Variants in FREM2 observed in about 807,000 individuals in gnomAD.
The protein encoded by FREM2 is FRAS1 related extracellular matrix 2, also known as FRAS1-related extracellular matrix protein 2.
Under a neutral mutation model 219.9 loss-of-function variants are expected in FREM2, and 119 were observed. The observed-to-expected ratio is 0.54, with a 90% CI of 0.47 to 0.63. FREM2 has a LOEUF of 0.63. FREM2 is among the 30% of genes least tolerant of loss of function. FREM2 has a pLI of 0.00. For missense variants in FREM2, 4,030 were observed against 3,993.6 expected, an observed-to-expected ratio of 1.01 and a Z score of -0.25; for synonymous variants, 1,562 against 1,522.8, an observed-to-expected ratio of 1.03 and a Z score of -0.60.
In FREM2 at chr13:38,690,720, A is replaced by G. The variant is rs758099421; in HGVS notation, c.3376A>G (p.Lys1126Glu). The G allele has an allele frequency of 1.9e-6, 3 of 1,614,126 alleles. No homozygotes were observed. Among genetic ancestry groups the G allele is most frequent in the Non-Finnish European group, 2.5e-6 (3 of 1,180,030 alleles). Residue 1126 changes from lysine (K) to glutamate (E), a missense_variant, in exon 1 of 24, where the codon AAA becomes GAA. By Grantham distance (56) the Lys-to-Glu change is moderately conservative (BLOSUM62 1). Coordinates refer to ENST00000280481, the MANE Select transcript of FREM2 (RefSeq NM_207361.6). Reference sequence around the variant, plus strand: ...CATTTCTCCAGCACCAGGCTCTGAGAAATCAAGAGCAGGGATTGCCATAAG... The same window carrying G: ...CATTTCTCCAGCACCAGGCTCTGAGGAATCAAGAGCAGGGATTGCCATAAG... ...ENISPAPGSE[K>E]SRAGIAISAF...
chr13:38,755,786 A>T (rs1055610132), intron 2 of FREM2, among the ~76,000 whole-genome samples: 2 of 152,198 alleles, frequency 1.3e-5, no homozygotes, highest in African/African-American at 4.8e-5. Flanking sequence ...TCCTAGAATG[A>T]ATTATCCTAA....
chr13:38,727,409 G>A (rs981662768), intron 2 of FREM2, among the ~76,000 whole-genome samples: 7 of 152,178 alleles, frequency 4.6e-5, no homozygotes, highest in Non-Finnish European at 1.0e-4. Flanking sequence ...AACATGGGAG[G>A]TGGAGTTTGC....
At chr13:38,735,642 G>T (rs752164237) in intron 2 of FREM2, among the ~76,000 whole-genome samples, 1 of 152,088 alleles carries the variant, frequency 6.6e-6, no homozygotes, top group African/African-American at 2.4e-5. Flanking sequence ...AATGGTTTTT[G>T]CTGAAAAGCT....
chr13:38,705,678 T>C (rs1368306455), intron 2 of FREM2, among the ~76,000 whole-genome samples: 1 of 152,186 alleles, frequency 6.6e-6, no homozygotes, highest in African/African-American at 2.4e-5. Flanking sequence ...AGATAATTCA[T>C]GAAAATAAGA....
At chr13:38,702,151 T>A (rs751027707) in intron 2 of FREM2, among the ~76,000 whole-genome samples, 1 of 152,150 alleles carries the variant, frequency 6.6e-6, no homozygotes, top group Non-Finnish European at 1.5e-5. Flanking sequence ...AGGAAAGTTT[T>A]TTAGTGAAGC....
intron 2 of FREM2, among the ~76,000 whole-genome samples, chr13:38,757,245 A>G (rs1389979344): frequency 6.6e-6 from 1 of 152,206 alleles, no homozygotes; most frequent in Non-Finnish European, 1.5e-5. Flanking sequence ...CATGTCCTCA[A>G]GGAACAAAAT....
intron 4 of FREM2, among the ~76,000 whole-genome samples, chr13:38,780,520 C>G (rs938009277): frequency 4.6e-5 from 7 of 152,208 alleles, no homozygotes; most frequent in Non-Finnish European, 1.0e-4. Context: ...CTTTATCTTA[C>G]AGCAGTCACA....
intron 6 of FREM2, among the ~76,000 whole-genome samples, chr13:38,790,051 G>T (rs933610747): frequency 6.6e-6 from 1 of 152,096 alleles, no homozygotes; most frequent in South Asian, 2.1e-4. Context: ...ATTTGCTAGG[G>T]TCGATTTCTA....
At position 38,689,500 on chromosome 13, in the gene FREM2, C is replaced by T; in HGVS notation, c.2156C>T (p.Thr719Ile). The T allele has an allele frequency of 1.2e-6, 2 of 1,614,108 alleles. No individual in the cohort carries two copies. Among genetic ancestry groups the T allele is most frequent in the South Asian group, 1.1e-5 (1 of 91,080 alleles). ...ATGGTGGTACAGGAATCCCAGCTCA[C>T]ACCACTGAGGAAGAAGTGGCTGCGC... ...LRMVVQESQL[T>I]PLRKKWLRYT... The change falls in exon 1 of 24, where the codon ACA (threonine) becomes ATA (isoleucine). Residue 719 changes from threonine (T) to isoleucine (I), a missense_variant. Transcript: ENST00000280481.
chr13:38,694,181 T>C (rs894759313), intron 1 of FREM2, among the ~76,000 whole-genome samples: 1 of 152,232 alleles, frequency 6.6e-6, no homozygotes, highest in South Asian at 2.1e-4. Context: ...CTCTAAAAAT[T>C]ATGCTATTTC....
chr13:38,864,130 G>A, intron 15 of FREM2, 145 bp from the exon 16 acceptor site: 1 of 690,860 alleles, frequency 1.4e-6, no homozygotes, highest in South Asian at 1.7e-5. Flanking sequence ...CACCGGGCCT[G>A]GACACCACTT....
chr13:38,778,107 A>G (rs1566138726), intron 4 of FREM2, among the ~76,000 whole-genome samples: 1 of 152,270 alleles, frequency 6.6e-6, no homozygotes, highest in African/African-American at 2.4e-5. Flanking sequence ...AATCCCATAC[A>G]TGGACCACTT....
At chr13:38,801,890 A>G (rs929063143) in intron 6 of FREM2, among the ~76,000 whole-genome samples, 5 of 152,196 alleles carry the variant, frequency 3.3e-5, no homozygotes, top group African/African-American at 4.8e-5. Context: ...TTTCTGGACC[A>G]TGGATATAAT....
chr13:38,804,986 G>A (rs561478208), intron 6 of FREM2, among the ~76,000 whole-genome samples: 1 of 152,172 alleles, frequency 6.6e-6, no homozygotes, highest in South Asian at 2.1e-4. Flanking sequence ...CTCATTTGAA[G>A]CATGAGCATA....
intron 23 of FREM2, among the ~76,000 whole-genome samples, chr13:38,879,664 G>A (rs1479070834): frequency 6.6e-6 from 1 of 152,162 alleles, no homozygotes; most frequent in South Asian, 2.1e-4. Context: ...TCTTAAGAAA[G>A]CATGTTTGTT....
At position 38,752,012 on chromosome 13, in the gene FREM2, G is replaced by A. The variant is rs145616840; in HGVS notation, c.5264-12292G>A. Among the ~76,000 whole-genome samples, 315 of 152,278 alleles carry A rather than the reference G, an allele frequency of 2.1e-3. 1 individual carries two copies. The highest frequency in any genetic ancestry group is 7.3e-3 in the African/African-American group (302 of 41,562). ...CTGGCACAATTCTAAAGGGATCAGA[G>A]CAATCACCAAAGGGTTCAACTAATT... On this transcript the variant is annotated intron_variant, in intron 2 of 23. Coordinates refer to ENST00000280481, the MANE Select transcript of FREM2 (RefSeq NM_207361.6).
Position 38,877,193 on chromosome 13 carries a change from C to T in FREM2, c.8621C>T (p.Ser2874Phe), listed in dbSNP as rs749233308. 1 of 1,614,140 alleles carries T rather than the reference C, an allele frequency of 6.2e-7. No individual in the cohort carries two copies. The highest frequency in any genetic ancestry group is 8.5e-7 in the Non-Finnish European group (1 of 1,179,974). The change falls in exon 21 of 24, where the codon TCT becomes TTT. Residue 2874 changes from serine to phenylalanine, a missense_variant. This residue lies in a region of FREM2 where 928 missense variants were observed against 1,042.9 expected (regional missense o/e 0.89). Transcript: ENST00000280481. ...CTCTCTAAGAAGAGTCTCTGGTTGT[C>T]TGATGGATCCATGGGATTCGGGCAA... The part of the protein sequence containing the change: ...YLLSKKSLWL[S>F]DGSMGFGQES...
intron 2 of FREM2, among the ~76,000 whole-genome samples, chr13:38,753,966 A>ATT (rs1447504302): frequency 6.7e-6 from 1 of 148,590 alleles, no homozygotes; most frequent in African/African-American, 2.5e-5. Flanking sequence ...TTTTTATTTT[A>ATT]TTTTATTTTT....
chr13:38,775,530 C>A (rs950748802), intron 4 of FREM2, among the ~76,000 whole-genome samples: 1 of 152,172 alleles, frequency 6.6e-6, no homozygotes, highest in African/African-American at 2.4e-5. Context: ...CAAAATAAAA[C>A]TTGCATCATG....
Sources: gnomAD v4.1 joint callset for allele counts (sites outside exome capture counted in the v4.1 genomes callset) on GRCh38, gnomAD v4.1.1 for gene constraint, gnomAD v4.1.1 regional missense constraint, MANE v1.5 for transcripts, NCBI Gene and HGNC (gene_info 2026-07-23, HGNC 2026-07-21) for gene names.